Variants in CYP39A1 observed in about 807,000 individuals in gnomAD.
The protein encoded by CYP39A1 is cytochrome P450 family 39 subfamily A member 1, also known as 24-hydroxycholesterol 7-alpha-hydroxylase.
CYP39A1 carries 49 observed loss-of-function variants against 58.1 expected under a neutral mutation model. The ratio of observed to expected loss-of-function variants is 0.84; its 90% CI spans 0.67 to 1.07. The LOEUF is 1.07. CYP39A1 is among the 50% of genes least tolerant of loss of function. CYP39A1 has a pLI of 0.00. For synonymous variants in CYP39A1, 209 were observed against 187.6 expected, an observed-to-expected ratio of 1.11 and a Z score of -0.93; for missense variants, 531 against 539.4, an observed-to-expected ratio of 0.98 and a Z score of 0.16.
intron 8 of CYP39A1, among the ~76,000 whole-genome samples, chr6:46,595,089 A>C (rs1159732062): frequency 1.3e-5 from 2 of 152,060 alleles, no homozygotes; most frequent in African/African-American, 4.8e-5. Flanking sequence ...TCATCAAGAA[A>C]ATATAAATTA....
chr6:46,570,417 T>C (rs1310377499), intron 10 of CYP39A1, among the ~76,000 whole-genome samples: 1 of 152,182 alleles, frequency 6.6e-6, no homozygotes, highest in Non-Finnish European at 1.5e-5. Context: ...GGTGTAAATT[T>C]ACATTGTTTA....
chr6:46,599,053 T>C (rs1414777419), intron 7 of CYP39A1, among the ~76,000 whole-genome samples: 5 of 152,190 alleles, frequency 3.3e-5, no homozygotes, highest in Non-Finnish European at 4.4e-5. Flanking sequence ...AATTTAGAGA[T>C]TGGCGTGTGG....
chr6:46,588,215 T>TA, intron 8 of CYP39A1, 86 bp from the exon 9 acceptor site: 1 of 662,788 alleles, frequency 1.5e-6, no homozygotes. Context: ...GCTACAATTA[T>TA]ATTGTGGTGA....
intron 7 of CYP39A1, among the ~76,000 whole-genome samples, chr6:46,619,075 C>T (rs1774799337): frequency 6.6e-6 from 1 of 152,118 alleles, no homozygotes; most frequent in South Asian, 2.1e-4. Flanking sequence ...TCTGCCTTTC[C>T]TGTGGAAATC....
chr6:46,643,575 A>G (rs368005403), intron 1 of CYP39A1, among the ~76,000 whole-genome samples: 4 of 152,354 alleles, frequency 2.6e-5, no homozygotes, highest in East Asian at 3.9e-4. Context: ...TTTTGTTCAA[A>G]TGAGAATTCT....
chr6:46,646,403 A>G (rs746109133), intron 1 of CYP39A1, among the ~76,000 whole-genome samples: 1 of 152,114 alleles, frequency 6.6e-6, no homozygotes, highest in African/African-American at 2.4e-5. Context: ...TTGTTAATAC[A>G]GCAGCCTATG....
intron 8 of CYP39A1, among the ~76,000 whole-genome samples, chr6:46,589,288 A>C (rs1772669737): frequency 6.6e-6 from 1 of 151,996 alleles, no homozygotes; most frequent in Non-Finnish European, 1.5e-5. Flanking sequence ...CCTTGTCTCT[A>C]CAAAAAAATG....
In CYP39A1 at chr6:46,560,374, A is replaced by AC. The variant is rs150483858; in HGVS notation, c.1251-6521_1251-6520insG. Among the ~76,000 whole-genome samples the AC allele has an allele frequency of 8.1e-3, 1,241 of 152,332 alleles. 15 individuals are homozygous for AC. The highest frequency in any genetic ancestry group is 0.028 in the African/African-American group (1,180 of 41,576). Reference sequence around the variant, plus strand: ...GTAGAAATAGTTGTAAGCCATAGTTAGAGTCTGGATATATTCTGTAGGATG... The same window carrying AC: ...GTAGAAATAGTTGTAAGCCATAGTTACGAGTCTGGATATATTCTGTAGGATG... On this transcript the variant is annotated intron_variant, in intron 10 of 11. Transcript: ENST00000275016.
chr6:46,627,976 A>T (rs1775423648), intron 6 of CYP39A1, among the ~76,000 whole-genome samples: 1 of 152,154 alleles, frequency 6.6e-6, no homozygotes, highest in South Asian at 2.1e-4. Context: ...GGGCAAGAAG[A>T]AGAAGGGCCA....
Position 46,637,993 on chromosome 6 carries a change from A to G in CYP39A1, c.489-15T>C. ...AAAGGAGATGTCTACAAAGACAGAA[A>G]CACACAAAAAGTCAGACCCGAAGAC... is the stretch of plus-strand genomic sequence containing the variant. On this transcript the variant is annotated splice_polypyrimidine_tract_variant and intron_variant, in intron 3 of 11. Coordinates refer to ENST00000275016, the MANE Select transcript of CYP39A1 (RefSeq NM_016593.5). 6.3e-7 allele frequency: 1 copy of G among 1,584,960 alleles called. No individual in the cohort carries two copies. Among genetic ancestry groups the G allele is most frequent in the Non-Finnish European group, 8.5e-7 (1 of 1,172,178 alleles).
intron 6 of CYP39A1, among the ~76,000 whole-genome samples, chr6:46,629,364 T>C (rs1209928501): frequency 2.0e-5 from 3 of 152,216 alleles, no homozygotes; most frequent in African/African-American, 7.2e-5. Context: ...GTTGCTACTT[T>C]GAGAGTTGTT....
rs751186688 is a variant in CYP39A1 at position 46,636,458 on chromosome 6, C to G, written c.663G>C (p.Trp221Cys). ...TGTTTTTCTCAAACAGTTCCAGGAA[C>G]CACTTTTTGGATTTTGACCAGTTTC... ...LLRNWSKSKK[W>C]FLELFEKNIP... The change falls in exon 5 of 12, where the codon TGG (tryptophan) becomes TGC (cysteine). Residue 221 changes from tryptophan to cysteine, a missense_variant. Trp to Cys is a radical substitution (Grantham distance 215). Coordinates refer to ENST00000275016, the MANE Select transcript of CYP39A1 (RefSeq NM_016593.5). 44 of 1,607,172 alleles carry G rather than the reference C, an allele frequency of 2.7e-5. No individual in the cohort carries two copies. The South Asian group carries it at 4.8e-4, about 18-fold the overall frequency.
At chr6:46,640,690 G>A (rs746297046) in intron 2 of CYP39A1, among the ~76,000 whole-genome samples, 6 of 151,918 alleles carry the variant, frequency 3.9e-5, no homozygotes, top group Non-Finnish European at 7.4e-5. Context: ...TTATGCTGAG[G>A]TTTGGGGCAT....
intron 1 of CYP39A1, among the ~76,000 whole-genome samples, chr6:46,650,385 T>TC (rs1762605718): frequency 1.3e-5 from 2 of 148,858 alleles, no homozygotes; most frequent in Admixed American, 6.7e-5. Flanking sequence ...CACTCTGGCT[T>TC]TTTTTTTTAT....
chr6:46,625,451 T>C lies in CYP39A1; in HGVS notation c.898A>G (p.Met300Val), dbSNP rs747493758. ...CCAAACACAGAAGATATGCCTTCCATAATGGCCTTGTGGATATCAGGATGA... is the reference window on the plus strand; with the variant it reads ...CCAAACACAGAAGATATGCCTTCCACAATGGCCTTGTGGATATCAGGATGA... Reference protein sequence around the residue: ...LSHPDIHKAIMEGISSVFGKA... With the variant: ...LSHPDIHKAIVEGISSVFGKA... Residue 300 changes from methionine to valine, a missense_variant, in exon 7 of 12, where the codon ATG becomes GTG. Coordinates refer to ENST00000275016, the MANE Select transcript of CYP39A1 (RefSeq NM_016593.5). 1.9e-6 allele frequency: 3 copies of C among 1,611,186 alleles called. No homozygotes were observed. The highest frequency in any genetic ancestry group is 1.7e-6 in the Non-Finnish European group (2 of 1,178,422).
chr6:46,582,352 T>C (rs909039190), intron 10 of CYP39A1, among the ~76,000 whole-genome samples: 20 of 152,282 alleles, frequency 1.3e-4, no homozygotes, highest in African/African-American at 4.6e-4. Flanking sequence ...GATACTTTAC[T>C]ATATAAGGCA....
At chr6:46,616,167 CTTTCTTTCTTTCTTTCTTTCTTCT>C (rs1774553605) in intron 7 of CYP39A1, among the ~76,000 whole-genome samples, 2 of 27,084 alleles carry the variant, frequency 7.4e-5, no homozygotes, top group African/African-American at 1.7e-4. Flanking sequence ...TTTCTTTTTT[CTTTCTTTCTTTCTTTCTTTCTTCT>C]TTCCCTCCCT....
chr6:46,645,952 T>C (rs1009121247), intron 1 of CYP39A1, among the ~76,000 whole-genome samples: 5 of 152,134 alleles, frequency 3.3e-5, no homozygotes, highest in Non-Finnish European at 7.4e-5. Context: ...CACATGTTCA[T>C]TGTTAGTATG....
At chr6:46,581,467 CATGAAATCCTGTGCAGCTATAAAAAGA>C (rs1772131948) in intron 10 of CYP39A1, among the ~76,000 whole-genome samples, 1 of 151,276 alleles carries the variant, frequency 6.6e-6, no homozygotes, top group South Asian at 2.1e-4. Context: ...ATAGTAACAC[CATGAAATCCTGTGCAGCTATAAAAAGA>C]ATGAAATCCT....
Sources: gnomAD v4.1 joint callset for allele counts (sites outside exome capture counted in the v4.1 genomes callset) on GRCh38, gnomAD v4.1.1 for gene constraint, MANE v1.5 for transcripts, NCBI Gene and HGNC (gene_info 2026-07-23, HGNC 2026-07-21) for gene names.